Variants in ELFN2 observed in about 807,000 individuals in gnomAD.
The protein encoded by ELFN2 is protein phosphatase 1 regulatory subunit 29.
ELFN2 carries 17 observed loss-of-function variants against 45.5 expected under a neutral mutation model. The ratio of observed to expected loss-of-function variants is 0.37; its 90% CI spans 0.26 to 0.56. The LOEUF (loss-of-function observed/expected upper bound fraction) is 0.56, where lower values mean the gene tolerates loss of function less well. Ranked by LOEUF, ELFN2 falls within the 20% of genes least tolerant of loss-of-function variation. The pLI is 0.77. For synonymous variants in ELFN2, 550 were observed against 551.5 expected (o/e 1.00, Z 0.04); for missense variants, 922 against 1,183.2 (o/e 0.78, Z 3.24).
intron 1 of ELFN2, chr22:37,419,075 G>A (rs192089481): frequency 0.015 from 2,206 of 151,924 alleles, 18 homozygotes; most frequent in Non-Finnish European, 0.023. Flanking sequence ...CCTCGGCATT[G>A]CCATTCACAA....
chr22:37,345,184 G>A (rs117772515), intron 1 of ELFN2, among the ~76,000 whole-genome samples: 8,061 of 152,180 alleles, frequency 0.053, 239 homozygotes, highest in Middle Eastern at 0.14. Context: ...CCTCCTCCTC[G>A]CCATCCCCAG....
Position 37,412,292 on chromosome 22 carries a change from A to G in ELFN2, c.-463+5477T>C, listed in dbSNP as rs201818470. Among the ~76,000 whole-genome samples, 218 of 146,432 alleles carry G rather than the reference A, an allele frequency of 1.5e-3. 5 individuals carry two copies. The East Asian group carries it at 0.031, about 21-fold the overall frequency. On this transcript the variant is annotated intron_variant, in intron 2 of 2. Coordinates refer to ENST00000402918, the MANE Select transcript of ELFN2 (RefSeq NM_052906.5). ...AACTCCGTCTCAAAAAAAAAAAAAA[A>G]AAAGAAAGAAAGAAAAGGAAAAAAG... is the stretch of plus-strand genomic sequence containing the variant.
intron 2 of ELFN2, among the ~76,000 whole-genome samples, chr22:37,399,712 G>A (rs1409831030): frequency 5.3e-5 from 8 of 151,566 alleles, no homozygotes; most frequent in East Asian, 1.9e-4. Flanking sequence ...CCCCTGCGTC[G>A]CACACCTGGG....
chr22:37,423,199 C>T (rs1418731307), intron 1 of ELFN2, among the ~76,000 whole-genome samples: 1 of 152,138 alleles, frequency 6.6e-6, no homozygotes, highest in Non-Finnish European at 1.5e-5. Context: ...CAAAGGGCTG[C>T]CTTTGGGGGT....
chr22:37,375,835 TC>T lies in ELFN2; in HGVS notation c.-302del. 2.6e-6 allele frequency: 1 copy of T among 385,448 alleles called. No homozygotes were observed. Among genetic ancestry groups the T allele is most frequent in the Non-Finnish European group, 4.6e-6 (1 of 215,072 alleles). 23.9% of individuals were successfully genotyped at this position (385,448 alleles called of 1,614,324 possible). A position where few individuals can be genotyped will look rare whatever the true frequency, so the allele number is the denominator to read the frequency against. ...AGGGTTCTCAGGGCTTGACTTCCTC[TC>T]CCTCCTCCTCCTCCTCCTCCTCCTC... On this transcript the variant is annotated 5_prime_UTR_variant, in exon 3 of 3. Coordinates refer to ENST00000402918, the MANE Select transcript of ELFN2 (RefSeq NM_052906.5).
intron 1 of ELFN2, among the ~76,000 whole-genome samples, chr22:37,425,986 C>A (rs1932845597): frequency 1.3e-5 from 2 of 152,066 alleles, no homozygotes. Context: ...GCTTCCACCA[C>A]ATTCCTCCAG....
intron 2 of ELFN2, among the ~76,000 whole-genome samples, chr22:37,395,106 AAAATAAATAAATAAATAAAT>A (rs3041590): frequency 4.1e-4 from 58 of 141,022 alleles, no homozygotes; most frequent in African/African-American, 1.2e-3. Context: ...CTCTGTCTCA[AAAATAAATAAATAAATAAAT>A]AAATAAATAA....
At chr22:37,394,653 T>C (rs1932166374) in intron 2 of ELFN2, among the ~76,000 whole-genome samples, 1 of 152,134 alleles carries the variant, frequency 6.6e-6, no homozygotes, top group Admixed American at 6.5e-5. Context: ...AATGCCCCCA[T>C]CGAGTGCAGA....
intron 1 of ELFN2, among the ~76,000 whole-genome samples, chr22:37,346,532 C>T (rs1930699862): frequency 6.6e-6 from 1 of 152,136 alleles, no homozygotes; most frequent in Admixed American, 6.5e-5. Context: ...AATCGATTTC[C>T]AAGCAGTTTG....
chr22:37,382,754 G>A (rs545501548), intron 2 of ELFN2, among the ~76,000 whole-genome samples: 12 of 152,194 alleles, frequency 7.9e-5, no homozygotes, highest in East Asian at 1.9e-4. Context: ...GTTTCACCAC[G>A]TTGCCCAGGC....
chr22:37,408,420 C>T (rs1932563444), intron 2 of ELFN2, among the ~76,000 whole-genome samples: 1 of 152,240 alleles, frequency 6.6e-6, no homozygotes, highest in Admixed American at 6.5e-5. Context: ...GCGCCTGAGC[C>T]TCACTGCACG....
chr22:37,426,347 C>T (rs938542880), intron 1 of ELFN2, among the ~76,000 whole-genome samples: 9 of 123,428 alleles, frequency 7.3e-5, no homozygotes, highest in African/African-American at 2.1e-4. Context: ...CATGCACACG[C>T]GCGCGCGCGC....
intron 1 of ELFN2, among the ~76,000 whole-genome samples, chr22:37,422,051 G>A (rs1932812960): frequency 1.3e-5 from 2 of 152,226 alleles, no homozygotes; most frequent in African/African-American, 4.8e-5. Context: ...ACTTCCCCCT[G>A]AGAGAGGTGG....
At chr22:37,388,464 G>A (rs543345035) in intron 2 of ELFN2, among the ~76,000 whole-genome samples, 2 of 152,330 alleles carry the variant, frequency 1.3e-5, no homozygotes, top group Admixed American at 6.5e-5. Context: ...AGGCCAGCTC[G>A]CCGCCCTCAT....
Position 37,362,056 on chromosome 22 carries a change from G to A in ELFN2, n.149-19353C>T, listed in dbSNP as rs147371316. ...TGGGTGGCACGGTCCACCCTGGGAA[G>A]GACAGGCCTTGGAAACATGTCCGGG... is the stretch of plus-strand genomic sequence containing the variant. On this transcript the variant is annotated intron_variant and non_coding_transcript_variant, in intron 1 of 2. Coordinates refer to ENST00000452946, the Ensembl canonical transcript of ELFN2. 2.6e-5 allele frequency among the ~76,000 whole-genome samples: 4 copies of A among 152,346 alleles called. No individual in the cohort carries two copies. The East Asian group carries it at 7.7e-4, about 29-fold the overall frequency.
intron 1 of ELFN2, among the ~76,000 whole-genome samples, chr22:37,346,527 A>T (rs781482210): frequency 1.3e-5 from 2 of 152,102 alleles, no homozygotes; most frequent in Non-Finnish European, 2.9e-5. Context: ...AAAGAAATCG[A>T]TTTCCAAGCA....
At chr22:37,396,654 G>A (rs954323004) in intron 2 of ELFN2, among the ~76,000 whole-genome samples, 9 of 151,878 alleles carry the variant, frequency 5.9e-5, no homozygotes, top group African/African-American at 9.7e-5. Flanking sequence ...CCTTCCAGGC[G>A]CCCCCTTCCT....
At chr22:37,344,556 G>A (rs1032722676) in intron 1 of ELFN2, among the ~76,000 whole-genome samples, 4 of 151,856 alleles carry the variant, frequency 2.6e-5, no homozygotes, top group African/African-American at 7.3e-5. Context: ...TGCCAGCCTC[G>A]AGTCTTGGGA....
At chr22:37,345,608 C>T (rs938424075) in intron 1 of ELFN2, among the ~76,000 whole-genome samples, 13 of 149,738 alleles carry the variant, frequency 8.7e-5, no homozygotes, top group Non-Finnish European at 1.6e-4. Flanking sequence ...AGTGCAATGA[C>T]ACAATCTCAG....
Sources: allele counts gnomAD v4.1 joint callset (sites outside exome capture counted in the v4.1 genomes callset), GRCh38; gene constraint gnomAD v4.1.1; transcripts MANE v1.5; gene names NCBI Gene and HGNC (gene_info 2026-07-23, HGNC 2026-07-21).